The following TMTC2 variants were observed in gnomAD, a reference collection of about 807,000 sequenced individuals.
TMTC2 encodes protein O-mannosyl-transferase TMTC2.
TMTC2 carries 43 observed loss-of-function variants against 82.4 expected under a neutral mutation model. The observed-to-expected ratio is 0.52, with a 90% CI of 0.41 to 0.67. TMTC2 has a LOEUF of 0.67. TMTC2 is among the 30% of genes least tolerant of loss of function. The pLI is 0.00. For missense variants in TMTC2, 919 were observed against 1,012.4 expected, an observed-to-expected ratio of 0.91 and a Z score of 1.25; for synonymous variants, 408 against 381.9, an observed-to-expected ratio of 1.07 and a Z score of -0.80.
intron 9 of TMTC2, among the ~76,000 whole-genome samples, chr12:83,033,096 C>T (rs935809867): frequency 6.6e-6 from 1 of 151,316 alleles, no homozygotes; most frequent in African/African-American, 2.5e-5. Context: ...ATATTTTCTC[C>T]TACTTTGGAG....
chr12:82,864,695 G>C (rs1245969248), intron 2 of TMTC2, among the ~76,000 whole-genome samples: 1 of 151,094 alleles, frequency 6.6e-6, no homozygotes, highest in East Asian at 2.0e-4. Context: ...TAGAGATGGG[G>C]CTTCACCATG....
At chr12:83,013,259 GTTA>G (rs1333315974) in intron 8 of TMTC2, among the ~76,000 whole-genome samples, 5 of 152,086 alleles carry the variant, frequency 3.3e-5, no homozygotes, top group Admixed American at 6.5e-5. Context: ...TAATCGATTA[GTTA>G]TTATTATTTT....
chr12:82,730,271 G>A (rs1345632748), intron 1 of TMTC2, among the ~76,000 whole-genome samples: 1 of 107,752 alleles, frequency 9.3e-6, no homozygotes. Flanking sequence ...CTCCAGCCTG[G>A]GCAACAGAGC....
intron 1 of TMTC2, among the ~76,000 whole-genome samples, chr12:82,697,334 CAAAAA>C (rs367770708): frequency 3.2e-5 from 2 of 61,692 alleles, no homozygotes; most frequent in Non-Finnish European, 3.2e-5. Context: ...CAGCCTGTCT[CAAAAA>C]AAAAAAAAAA....
chr12:83,097,809 A>C (rs930256935), intron 11 of TMTC2, among the ~76,000 whole-genome samples: 1 of 152,210 alleles, frequency 6.6e-6, no homozygotes, highest in African/African-American at 2.4e-5. Flanking sequence ...GCGCATGCAC[A>C]GGAAGAACAG....
intron 2 of TMTC2, among the ~76,000 whole-genome samples, chr12:82,874,418 G>C (rs1349728130): frequency 6.6e-6 from 1 of 152,048 alleles, no homozygotes; most frequent in Non-Finnish European, 1.5e-5. Context: ...GCCATTTTTG[G>C]GTAAAATCAT....
chr12:82,767,599 G>GTT (rs1210657279), intron 1 of TMTC2, among the ~76,000 whole-genome samples: 1 of 151,770 alleles, frequency 6.6e-6, no homozygotes, highest in African/African-American at 2.4e-5. Flanking sequence ...AAAAAAAAAA[G>GTT]TTGACCTAGG....
intron 1 of TMTC2, among the ~76,000 whole-genome samples, chr12:82,697,823 C>G (rs187781304): frequency 6.6e-5 from 10 of 152,228 alleles, no homozygotes; most frequent in Admixed American, 6.5e-4. Context: ...AATGGAGTCT[C>G]TAGAGTCAAG....
intron 4 of TMTC2, among the ~76,000 whole-genome samples, chr12:82,937,896 A>G (rs1370426860): frequency 7.0e-6 from 1 of 143,106 alleles, no homozygotes; most frequent in African/African-American, 2.6e-5. Context: ...AATTGACACC[A>G]TAGATTCAAA....
At chr12:82,766,190 G>T (rs1876952159) in intron 1 of TMTC2, among the ~76,000 whole-genome samples, 1 of 152,168 alleles carries the variant, frequency 6.6e-6, no homozygotes, top group Admixed American at 6.5e-5. Flanking sequence ...TCACCTCAGG[G>T]CAGAGTATGC....
At chr12:82,751,483 C>A (rs1876000221) in intron 1 of TMTC2, among the ~76,000 whole-genome samples, 1 of 151,932 alleles carries the variant, frequency 6.6e-6, no homozygotes, top group Non-Finnish European at 1.5e-5. Flanking sequence ...CACATGTATA[C>A]ATATGTAACA....
At chr12:83,122,435 C>T (rs968789719) in intron 11 of TMTC2, among the ~76,000 whole-genome samples, 2 of 152,040 alleles carry the variant, frequency 1.3e-5, no homozygotes. Context: ...TCCTGAAGGA[C>T]CCCTGTGAGG....
At chr12:82,695,956 C>T (rs1872769809) in intron 1 of TMTC2, among the ~76,000 whole-genome samples, 1 of 152,148 alleles carries the variant, frequency 6.6e-6, no homozygotes, top group African/African-American at 2.4e-5. Flanking sequence ...AGAAACTAGG[C>T]CTGTTGCCTT....
chr12:82,884,963 A>G (rs1199921), intron 2 of TMTC2, among the ~76,000 whole-genome samples: 26,265 of 152,014 alleles, frequency 0.17, 5,193 homozygotes, highest in African/African-American at 0.49. Flanking sequence ...GCACAATCAC[A>G]GCTCACAGCA....
At chr12:83,015,192 G>T (rs1880620084) in intron 8 of TMTC2, among the ~76,000 whole-genome samples, 1 of 152,188 alleles carries the variant, frequency 6.6e-6, no homozygotes, top group South Asian at 2.1e-4. Context: ...CCATGTTGGG[G>T]TTTTCCATGG....
intron 11 of TMTC2, among the ~76,000 whole-genome samples, chr12:83,099,815 T>A (rs187305350): frequency 6.6e-6 from 1 of 152,298 alleles, no homozygotes; most frequent in East Asian, 1.9e-4. Flanking sequence ...TTTATTCCAG[T>A]AAAGAAGTGC....
At chr12:82,848,054 A>G (rs1870786076) in intron 1 of TMTC2, among the ~76,000 whole-genome samples, 1 of 152,146 alleles carries the variant, frequency 6.6e-6, no homozygotes, top group Non-Finnish European at 1.5e-5. Context: ...AGTTAGCAAT[A>G]TATTGGGGAG....
At chr12:82,803,044 A>C (rs1434780364) in intron 1 of TMTC2, among the ~76,000 whole-genome samples, 1 of 152,182 alleles carries the variant, frequency 6.6e-6, no homozygotes, top group East Asian at 1.9e-4. Context: ...TTAGAATATG[A>C]GAAGGAATCA....
At chr12:82,904,644 G>A (rs925454886) in intron 3 of TMTC2, among the ~76,000 whole-genome samples, 4 of 152,098 alleles carry the variant, frequency 2.6e-5, no homozygotes, top group Non-Finnish European at 5.9e-5. Context: ...CTCTGATGAC[G>A]CCTTAATGAG....
Sources: allele counts gnomAD v4.1 joint callset (sites outside exome capture counted in the v4.1 genomes callset), GRCh38; gene constraint gnomAD v4.1.1; transcripts MANE v1.5; gene names NCBI Gene and HGNC (gene_info 2026-07-23, HGNC 2026-07-21).